The following SUGCT variants were observed in gnomAD, a reference collection of about 807,000 sequenced individuals.
SUGCT encodes the protein succinyl-CoA:glutarate-CoA transferase, also known as succinyl-CoA:glutarate CoA-transferase.
SUGCT carries 41 observed loss-of-function variants against 55.0 expected under a neutral mutation model. That is an observed-to-expected ratio of 0.74 (90% CI 0.58 to 0.97). The LOEUF is 0.97. Ranked by LOEUF, SUGCT falls within the 50% of genes least tolerant of loss-of-function variation. The pLI is 0.00. For missense variants in SUGCT, 568 were observed against 547.8 expected (o/e 1.04, Z -0.37); for synonymous variants, 187 against 200.4 (o/e 0.93, Z 0.56).
At chr7:40,756,556 G>C (rs1433288420) in intron 13 of SUGCT, among the ~76,000 whole-genome samples, 1 of 152,096 alleles carries the variant, frequency 6.6e-6, no homozygotes, top group Admixed American at 6.6e-5. Context: ...ATTAGATCAT[G>C]TTTCTGAAAT....
chr7:40,486,196 A>G (rs530677655), intron 11 of SUGCT, among the ~76,000 whole-genome samples: 2 of 152,162 alleles, frequency 1.3e-5, no homozygotes, highest in Non-Finnish European at 2.9e-5. Context: ...TTATAATTCA[A>G]TTATGGTAGG....
At chr7:40,956,929 C>A in the SUGCT span, among the ~76,000 whole-genome samples, 3 of 151,828 alleles carry the variant, frequency 2.0e-5, no homozygotes, top group Non-Finnish European at 4.4e-5. Flanking sequence ...TGTGTGGTTT[C>A]GAGTGAGTTT....
chr7:40,595,065 C>A (rs530211925), intron 12 of SUGCT, among the ~76,000 whole-genome samples: 1 of 152,234 alleles, frequency 6.6e-6, no homozygotes, highest in Admixed American at 6.5e-5. Context: ...AAATAATTCT[C>A]TGTATATTTA....
At chr7:40,977,968 G>A in the SUGCT span, among the ~76,000 whole-genome samples, 3 of 152,094 alleles carry the variant, frequency 2.0e-5, no homozygotes, top group Non-Finnish European at 4.4e-5. Context: ...GGCCATCTTG[G>A]GGCTGCGATT....
At chr7:40,326,845 A>AT (rs1796049383) in intron 9 of SUGCT, among the ~76,000 whole-genome samples, 1 of 152,222 alleles carries the variant, frequency 6.6e-6, no homozygotes, top group South Asian at 2.1e-4. Context: ...CTTTATAAAA[A>AT]ATATATACTC....
At chr7:40,229,023 T>C (rs767057992) in intron 6 of SUGCT, among the ~76,000 whole-genome samples, 2 of 152,170 alleles carry the variant, frequency 1.3e-5, no homozygotes, top group Non-Finnish European at 2.9e-5. Flanking sequence ...CTTCCTTGAT[T>C]TCTGGTAAAA....
the SUGCT span, among the ~76,000 whole-genome samples, chr7:41,034,505 G>A: frequency 6.6e-6 from 1 of 152,178 alleles, no homozygotes; most frequent in African/African-American, 2.4e-5. Flanking sequence ...GGAGGGGTCA[G>A]AGCTGCTCAC....
intron 9 of SUGCT, among the ~76,000 whole-genome samples, chr7:40,364,889 G>A (rs1293532108): frequency 6.6e-6 from 1 of 152,002 alleles, no homozygotes; most frequent in African/African-American, 2.4e-5. Context: ...AGAAAAAGAG[G>A]GAATCCTCCC....
At chr7:40,931,068 T>C in the SUGCT span, among the ~76,000 whole-genome samples, 1 of 152,200 alleles carries the variant, frequency 6.6e-6, no homozygotes, top group African/African-American at 2.4e-5. Flanking sequence ...TTGTCATAAA[T>C]AGCTCTTATT....
intron 12 of SUGCT, among the ~76,000 whole-genome samples, chr7:40,740,265 A>G (rs1034502401): frequency 3.3e-5 from 5 of 151,956 alleles, no homozygotes; most frequent in African/African-American, 1.2e-4. Context: ...GTATCCTAAG[A>G]CCTTGAAGAA....
intron 9 of SUGCT, among the ~76,000 whole-genome samples, chr7:40,340,485 C>T (rs1383692522): frequency 6.6e-6 from 1 of 152,042 alleles, no homozygotes; most frequent in African/African-American, 2.4e-5. Flanking sequence ...AAGTCTGTAA[C>T]TTGTAAGAAA....
intron 1 of SUGCT, among the ~76,000 whole-genome samples, chr7:40,156,077 G>A (rs1260500210): frequency 6.6e-6 from 1 of 151,902 alleles, no homozygotes; most frequent in Non-Finnish European, 1.5e-5. Context: ...GGCTGGTCTC[G>A]AACTCCTGAC....
At chr7:40,440,532 T>C (rs1417000529) in intron 9 of SUGCT, among the ~76,000 whole-genome samples, 1 of 152,112 alleles carries the variant, frequency 6.6e-6, no homozygotes, top group African/African-American at 2.4e-5. Context: ...CACTGGACTA[T>C]CTCAAAAGCT....
At chr7:40,942,364 C>T in the SUGCT span, among the ~76,000 whole-genome samples, 7 of 152,006 alleles carry the variant, frequency 4.6e-5, no homozygotes, top group Admixed American at 4.6e-4. Flanking sequence ...ATAGTTATTC[C>T]ATTTGAGGAT....
chr7:40,595,278 G>A (rs1411485884), intron 12 of SUGCT, among the ~76,000 whole-genome samples: 5 of 152,162 alleles, frequency 3.3e-5, no homozygotes, highest in Admixed American at 6.5e-5. Context: ...GGATTTGTAT[G>A]ATGCTGAAGG....
intron 12 of SUGCT, among the ~76,000 whole-genome samples, chr7:40,677,782 A>C (rs1242820938): frequency 6.6e-6 from 1 of 152,222 alleles, no homozygotes; most frequent in East Asian, 1.9e-4. Context: ...ATTGCTACAT[A>C]ATATACCCCC....
intron 6 of SUGCT, among the ~76,000 whole-genome samples, chr7:40,219,002 C>G (rs1320468924): frequency 6.6e-6 from 1 of 152,136 alleles, no homozygotes; most frequent in African/African-American, 2.4e-5. Flanking sequence ...CTTGCTACTA[C>G]TCACTCTTTG....
intron 12 of SUGCT, among the ~76,000 whole-genome samples, chr7:40,501,586 A>G (rs541095885): frequency 6.6e-6 from 1 of 152,266 alleles, no homozygotes; most frequent in South Asian, 2.1e-4. Flanking sequence ...ACACAGGGAC[A>G]TAGGAGATCA....
intron 12 of SUGCT, chr7:40,538,689 G>A (rs1485194922): frequency 6.6e-6 from 1 of 152,138 alleles, no homozygotes; most frequent in Non-Finnish European, 1.5e-5. Flanking sequence ...AGCGTCTGGG[G>A]AAATTTTTTT....
Sources: gnomAD v4.1 joint callset for allele counts (sites outside exome capture counted in the v4.1 genomes callset) on GRCh38, gnomAD v4.1.1 for gene constraint, MANE v1.5 for transcripts, NCBI Gene and HGNC (gene_info 2026-07-23, HGNC 2026-07-21) for gene names.